Variants in NADSYN1 observed in about 807,000 individuals in gnomAD.
NADSYN1 encodes the protein glutamine-dependent NAD(+) synthetase.
Under a neutral mutation model 99.3 loss-of-function variants are expected in NADSYN1, and 80 were observed. The ratio of observed to expected loss-of-function variants is 0.81; its 90% CI spans 0.67 to 0.97. NADSYN1 has a LOEUF of 0.97. Among genes scored for constraint, NADSYN1 ranks in the 50% least tolerant of loss-of-function variants. NADSYN1 has a pLI of 0.00. For missense variants in NADSYN1, 859 were observed against 948.5 expected (o/e 0.91, Z 1.24); for synonymous variants, 385 against 372.1 (o/e 1.03, Z -0.40).
At chr11:71,484,485 G>A (rs1230605111) in intron 15 of NADSYN1, 38 bp downstream of exon 15, 4 of 1,592,784 alleles carry the variant, frequency 2.5e-6, no homozygotes, top group Middle Eastern at 1.7e-4. Context: ...GGGGGTGGGG[G>A]TGCAGGGAGC....
At chr11:71,471,887 G>C (rs184438990) in intron 5 of NADSYN1, among the ~76,000 whole-genome samples, 3 of 152,110 alleles carry the variant, frequency 2.0e-5, no homozygotes, top group African/African-American at 7.2e-5. Context: ...GGTGCATCTC[G>C]TAACAGCCTA....
At chr11:71,498,754 T>G in intron 20 of NADSYN1, 1 of 449,996 alleles carries the variant, frequency 2.2e-6, no homozygotes, top group Non-Finnish European at 4.0e-6. Context: ...GACATTTCGA[T>G]ATGTGTGTCA....
chr11:71,489,564 G>A (rs1450004970), intron 16 of NADSYN1, among the ~76,000 whole-genome samples: 1 of 152,228 alleles, frequency 6.6e-6, no homozygotes, highest in Non-Finnish European at 1.5e-5. Flanking sequence ...GTGCTAAGAT[G>A]GAGACTGTCA....
intron 5 of NADSYN1, among the ~76,000 whole-genome samples, chr11:71,472,215 C>T (rs1451625939): frequency 1.3e-5 from 2 of 152,176 alleles, no homozygotes; most frequent in African/African-American, 2.4e-5. Context: ...TGAGGCAGCC[C>T]GAAGCTCGGA....
intron 8 of NADSYN1, 66 bp from the exon 9 acceptor site, chr11:71,474,329 G>A (rs1949649597): frequency 6.2e-7 from 1 of 1,603,862 alleles, no homozygotes; most frequent in Non-Finnish European, 8.5e-7. Flanking sequence ...TCCTGTACTT[G>A]GGCAGGTGGC....
intron 18 of NADSYN1, 72 bp from the exon 19 acceptor site, chr11:71,497,411 C>T: frequency 6.2e-7 from 1 of 1,600,668 alleles, no homozygotes; most frequent in Non-Finnish European, 8.5e-7. Flanking sequence ...GTTCCCATCT[C>T]CAAAAGAAGC....
chr11:71,467,300 C>G (rs1471681106), intron 5 of NADSYN1, among the ~76,000 whole-genome samples: 2 of 152,176 alleles, frequency 1.3e-5, no homozygotes, highest in African/African-American at 4.8e-5. Context: ...GCGCTGGGCA[C>G]AGGCAAACAG....
chr11:71,483,149 C>A, intron 14 of NADSYN1, 132 bp downstream of exon 14: 1 of 1,094,872 alleles, frequency 9.1e-7, no homozygotes, highest in Non-Finnish European at 1.3e-6. Context: ...TGTGGATAAA[C>A]GTGTAAGTGC....
At chr11:71,500,213 G>A (rs1949848498) in intron 20 of NADSYN1, among the ~76,000 whole-genome samples, 1 of 152,196 alleles carries the variant, frequency 6.6e-6, no homozygotes, top group Admixed American at 6.5e-5. Context: ...CTTCTAATCA[G>A]GAAGATGTCT....
At chr11:71,454,887 GC>G (rs1489954953) in intron 1 of NADSYN1, among the ~76,000 whole-genome samples, 9 of 103,740 alleles carry the variant, frequency 8.7e-5, no homozygotes, top group Admixed American at 2.6e-4. Context: ...ATAAGCAGGT[GC>G]AGGCGTACTC....
chr11:71,454,132 T>G (rs1039028520), intron 1 of NADSYN1, among the ~76,000 whole-genome samples: 17 of 152,254 alleles, frequency 1.1e-4, no homozygotes, highest in African/African-American at 3.9e-4. Context: ...GTCTGCTGAC[T>G]GCAAGAGCCT....
chr11:71,464,301 G>T lies in NADSYN1; in HGVS notation c.407+159G>T. On this transcript the variant is annotated intron_variant, in intron 5 of 20. Transcript: ENST00000319023. ...AAAAAGCACAAAGAAAGCCAAAAAA[G>T]AATGAAGCAACCAAAGGAGAGAGTG... The T allele has an allele frequency of 4.8e-6, 3 of 623,000 alleles. No homozygotes were observed. In the Admixed American group the frequency reaches 8.7e-5, roughly 18 times the overall value. 38.6% of individuals were successfully genotyped at this position (623,000 alleles called of 1,614,324 possible).
At chr11:71,481,687 C>T in intron 12 of NADSYN1, 2 of 600,746 alleles carry the variant, frequency 3.3e-6, no homozygotes, top group Middle Eastern at 8.1e-4. Flanking sequence ...TGCGTATCTG[C>T]AGTTCGTCGG....
At chr11:71,455,059 G>A (rs1248764260) in intron 1 of NADSYN1, 51 bp from the exon 2 acceptor site, 1 of 1,381,058 alleles carries the variant, frequency 7.2e-7, no homozygotes, top group East Asian at 2.3e-5. Context: ...CTGTCTTTGA[G>A]TGTATAGGTG....
At chr11:71,455,451 T>C in intron 2 of NADSYN1, 1 of 431,022 alleles carries the variant, frequency 2.3e-6, no homozygotes, top group East Asian at 3.8e-5. Context: ...ACTGCCCTTT[T>C]GCTGTGGTCT....
In NADSYN1 at chr11:71,473,699, C is replaced by T; in HGVS notation, c.666+13C>T. 3 of 1,583,974 alleles carry T rather than the reference C, an allele frequency of 1.9e-6. No homozygotes were observed. In the South Asian group the frequency reaches 3.3e-5, roughly 18 times the overall value. On this transcript the variant is annotated intron_variant, in intron 8 of 20. Transcript: ENST00000319023. ...GGTCACCAGCAAGGTAGGGGCTGGG[C>T]CAGGGAGCGTGCGCCACAGGGCAGA... is the stretch of plus-strand genomic sequence containing the variant.
intron 18 of NADSYN1, among the ~76,000 whole-genome samples, chr11:71,496,114 G>C (rs1436746476): frequency 6.6e-6 from 1 of 152,168 alleles, no homozygotes; most frequent in African/African-American, 2.4e-5. Flanking sequence ...GGCTGCATCT[G>C]CTCCATGAGC....
intron 5 of NADSYN1, among the ~76,000 whole-genome samples, chr11:71,466,186 A>G (rs1216369848): frequency 6.6e-6 from 1 of 152,168 alleles, no homozygotes; most frequent in East Asian, 1.9e-4. Flanking sequence ...TCTTTTTAGC[A>G]TATGTTGAGG....
At chr11:71,459,879 T>A (rs2120401136) in intron 3 of NADSYN1, 1 of 152,476 alleles carries the variant, frequency 6.6e-6, no homozygotes, top group Middle Eastern at 3.4e-3. Context: ...CTTAGTTTCC[T>A]TTTGCCGCTC....
Sources: gnomAD v4.1 joint callset for allele counts (sites outside exome capture counted in the v4.1 genomes callset) on GRCh38, gnomAD v4.1.1 for gene constraint, MANE v1.5 for transcripts, NCBI Gene and HGNC (gene_info 2026-07-23, HGNC 2026-07-21) for gene names.